Variants in PTCSC3 observed in about 807,000 individuals in gnomAD.
PTCSC3 encodes papillary thyroid carcinoma susceptibility candidate 3 (non-protein coding).
At chr14:36,143,246 A>G (rs1218738876) in intron 3 of PTCSC3, among the ~76,000 whole-genome samples, 1 of 145,214 alleles carries the variant, frequency 6.9e-6, no homozygotes, top group Non-Finnish European at 1.5e-5. Context: ...GACTTCCACA[A>G]TGGTTGAACT....
At chr14:36,164,327 A>C (rs1345571804) in intron 1 of PTCSC3, 6 of 152,198 alleles carry the variant, frequency 3.9e-5, no homozygotes, top group Non-Finnish European at 5.9e-5. Flanking sequence ...ACTTAGGAGA[A>C]TATAAAGGAA....
At chr14:36,135,461 A>G (rs1881264395), downstream of PTCSC3, among the ~76,000 whole-genome samples, 1 of 152,182 alleles carries the variant, frequency 6.6e-6, no homozygotes. Flanking sequence ...TTCATGTTCT[A>G]ATATTCCACA....
At chr14:36,158,340 A>G (rs951199751) in intron 2 of PTCSC3, among the ~76,000 whole-genome samples, 1 of 152,122 alleles carries the variant, frequency 6.6e-6, no homozygotes, top group African/African-American at 2.4e-5. Context: ...CTGGTTTTCA[A>G]AGGAAATGCT....
rs557568826 is a variant in PTCSC3, at chr14:36,164,514, A to G, written n.172-1831T>C. On this transcript the variant is annotated intron_variant and non_coding_transcript_variant, in intron 1 of 3. Transcript: ENST00000556013. ...CCTGTTCAACTGCACTTTAAAAACC[A>G]GTCATTCTTTTCATCATGCTAAATT... is the stretch of plus-strand genomic sequence containing the variant. Among the ~76,000 whole-genome samples, 21 of 152,340 alleles carry G rather than the reference A, an allele frequency of 1.4e-4. No homozygotes were observed. The East Asian group carries it at 3.5e-3, about 25-fold the overall frequency.
intron 3 of PTCSC3, among the ~76,000 whole-genome samples, chr14:36,139,099 G>A (rs1168327074): frequency 1.4e-5 from 2 of 138,524 alleles, no homozygotes; most frequent in African/African-American, 2.7e-5. Context: ...GGGCGACAGA[G>A]CGAGACTCCA....
intron 1 of PTCSC3, among the ~76,000 whole-genome samples, chr14:36,175,308 C>T (rs1423919814): frequency 5.9e-5 from 9 of 152,164 alleles, no homozygotes; most frequent in Admixed American, 2.6e-4. Context: ...CCTTACAGTG[C>T]TTGTTATCCA....
chr14:36,149,174 G>A (rs1881665750), intron 3 of PTCSC3, among the ~76,000 whole-genome samples: 1 of 151,870 alleles, frequency 6.6e-6, no homozygotes, highest in African/African-American at 2.4e-5. Context: ...GCTGCATTCT[G>A]CACATTTTGA....
chr14:36,144,235 T>C (rs1881500191), intron 3 of PTCSC3, among the ~76,000 whole-genome samples: 1 of 149,006 alleles, frequency 6.7e-6, no homozygotes, highest in South Asian at 2.2e-4. Flanking sequence ...GTTGAATCTG[T>C]AAATTACCTT....
chr14:36,154,614 T>C (rs1411027155), intron 2 of PTCSC3, among the ~76,000 whole-genome samples: 1 of 152,226 alleles, frequency 6.6e-6, no homozygotes, highest in Non-Finnish European at 1.5e-5. Flanking sequence ...GAGGCGTTGG[T>C]AACAGCCACG....
chr14:36,167,110 G>A (rs144619460), intron 1 of PTCSC3, among the ~76,000 whole-genome samples: 41 of 152,284 alleles, frequency 2.7e-4, no homozygotes, highest in African/African-American at 9.1e-4. Context: ...GTTAGAACAA[G>A]CACATTTGTA....
intron 3 of PTCSC3, among the ~76,000 whole-genome samples, chr14:36,147,615 C>T (rs373315975): frequency 6.6e-6 from 1 of 151,752 alleles, no homozygotes; most frequent in Non-Finnish European, 1.5e-5. Flanking sequence ...GAATTTCCTC[C>T]CGTAGCTCAG....
downstream of PTCSC3, chr14:36,136,081 A>G (rs907299709): frequency 2.0e-5 from 3 of 152,214 alleles, no homozygotes; most frequent in Non-Finnish European, 4.4e-5. Context: ...AGCATCCAGC[A>G]TGGGAGAAAG....
At chr14:36,159,885 T>A (rs1034505911) in intron 2 of PTCSC3, among the ~76,000 whole-genome samples, 1 of 152,206 alleles carries the variant, frequency 6.6e-6, no homozygotes, top group African/African-American at 2.4e-5. Context: ...CTCTAAGGAC[T>A]TGCTTTATGA....
intron 2 of PTCSC3, among the ~76,000 whole-genome samples, chr14:36,154,067 GA>G (rs56394642): frequency 3.0e-4 from 44 of 145,008 alleles, no homozygotes; most frequent in South Asian, 8.9e-4. Flanking sequence ...ACCCTGTCTC[GA>G]AAAAAAAAAA....
chr14:36,138,855 C>T (rs1055232834), intron 3 of PTCSC3, among the ~76,000 whole-genome samples: 3 of 152,240 alleles, frequency 2.0e-5, no homozygotes, highest in Admixed American at 6.5e-5. Context: ...GCGGGTGGCT[C>T]GCGGCTGTAA....
intron 3 of PTCSC3, among the ~76,000 whole-genome samples, chr14:36,149,200 TTTTCA>T (rs1435705110): frequency 1.3e-5 from 2 of 152,190 alleles, no homozygotes; most frequent in Admixed American, 6.5e-5. Context: ...TGTATTTTTA[TTTTCA>T]TTTATTTTTT....
intron 3 of PTCSC3, among the ~76,000 whole-genome samples, chr14:36,150,560 G>C (rs1169125): frequency 6.6e-6 from 1 of 151,944 alleles, no homozygotes; most frequent in Admixed American, 6.6e-5. Context: ...TGATACAGTT[G>C]AATACCTGCC....
intron 3 of PTCSC3, among the ~76,000 whole-genome samples, chr14:36,152,617 G>A (rs187208765): frequency 1.7e-3 from 260 of 152,270 alleles, no homozygotes; most frequent in African/African-American, 5.1e-3. Flanking sequence ...ACAAAACGAG[G>A]CGCAGTGGCT....
intron 1 of PTCSC3, among the ~76,000 whole-genome samples, chr14:36,172,486 C>T (rs35006551): frequency 0.031 from 4,786 of 152,074 alleles, 172 homozygotes; most frequent in Admixed American, 0.11. Flanking sequence ...ACTCTAACTA[C>T]CAGAGCCACT....
Sources: allele counts gnomAD v4.1 joint callset (sites outside exome capture counted in the v4.1 genomes callset), GRCh38; gene constraint gnomAD v4.1.1; transcripts MANE v1.5; gene names NCBI Gene and HGNC (gene_info 2026-07-23, HGNC 2026-07-21).